The following CCDC112 variants were observed in gnomAD, a reference collection of about 807,000 sequenced individuals.
CCDC112 encodes coiled-coil domain containing 112.
CCDC112 carries 40 observed loss-of-function variants against 66.3 expected under a neutral mutation model. That is an observed-to-expected ratio of 0.60 (90% CI 0.47 to 0.79). The LOEUF (loss-of-function observed/expected upper bound fraction) is 0.79, where lower values mean the gene tolerates loss of function less well. Ranked by LOEUF, CCDC112 falls within the 30% of genes least tolerant of loss-of-function variation. The pLI is 0.00. For missense variants in CCDC112, 659 were observed against 603.8 expected, an observed-to-expected ratio of 1.09 and a Z score of -0.96; for synonymous variants, 214 against 197.2, an observed-to-expected ratio of 1.09 and a Z score of -0.71.
At position 115,283,053 on chromosome 5, in the gene CCDC112, A is replaced by G. The variant is rs184186041; in HGVS notation, c.239+1734T>C. Reference sequence around the variant, plus strand: ...CATTACCCTATCTAGAAAGAAACATAAAACAGAACCTCTAACCTAGAATCT... The same window carrying G: ...CATTACCCTATCTAGAAAGAAACATGAAACAGAACCTCTAACCTAGAATCT... On this transcript the variant is annotated intron_variant, in intron 2 of 9. Coordinates refer to ENST00000379611, the MANE Select transcript of CCDC112 (RefSeq NM_001040440.3). Among the ~76,000 whole-genome samples the G allele has an allele frequency of 1.3e-4, 20 of 152,266 alleles. No homozygotes were observed. The East Asian group carries it at 3.9e-3, about 29-fold the overall frequency.
chr5:115,268,903 G>C lies in CCDC112; in HGVS notation c.1526C>G (p.Pro509Arg). 1 of 1,598,340 alleles carries C rather than the reference G, an allele frequency of 6.3e-7. No individual in the cohort carries two copies. The highest frequency in any genetic ancestry group is 8.5e-7 in the Non-Finnish European group (1 of 1,172,182). Reference protein sequence around the residue: ...TKKIGPTGSGPLLHIPHRAIP... With the variant: ...TKKIGPTGSGRLLHIPHRAIP... ...TTACCTATGTGGGATATGTAGAAGTGGCCCAGAGCCTGTTGGTCCTATCTT... is the reference window on the plus strand; with the variant it reads ...TTACCTATGTGGGATATGTAGAAGTCGCCCAGAGCCTGTTGGTCCTATCTT... Residue 509 changes from proline (P) to arginine (R), a missense_variant, in exon 9 of 10, where the codon CCA becomes CGA. Pro to Arg is a moderately radical substitution (Grantham distance 103). Transcript: ENST00000379611.
At position 115,268,862 on chromosome 5, in the gene CCDC112, C is replaced by G; in HGVS notation, c.1547+20G>C. 2 of 1,379,594 alleles carry G rather than the reference C, an allele frequency of 1.4e-6. No homozygotes were observed. The highest frequency in any genetic ancestry group is 2.8e-5 in the South Asian group (2 of 72,420). 85.5% of individuals were successfully genotyped at this position (1,379,594 alleles called of 1,614,324 possible). ...AGCAATTAAATTACTAAATGAACAC[C>G]AATTCTAACTCTTTCTTACCTATGT... On this transcript the variant is annotated intron_variant, in intron 9 of 9. Transcript: ENST00000379611.
intron 6 of CCDC112, among the ~76,000 whole-genome samples, chr5:115,273,995 T>C (rs184108891): frequency 6.6e-6 from 1 of 152,324 alleles, no homozygotes; most frequent in East Asian, 1.9e-4. Context: ...TCTAAAACTT[T>C]AGACTAAACA....
At chr5:115,292,230 G>A (rs558566663) in intron 1 of CCDC112, among the ~76,000 whole-genome samples, 2 of 152,166 alleles carry the variant, frequency 1.3e-5, no homozygotes, top group African/African-American at 4.8e-5. Context: ...AATGTGAATT[G>A]ACCTATCTTC....
chr5:115,293,190 G>A (rs1750008744), intron 1 of CCDC112, among the ~76,000 whole-genome samples: 1 of 152,166 alleles, frequency 6.6e-6, no homozygotes, highest in South Asian at 2.1e-4. Context: ...GGGCAAGGAA[G>A]GAAATAGGTA....
At chr5:115,269,523 T>C in intron 8 of CCDC112, 180 bp downstream of exon 8, 1 of 529,766 alleles carries the variant, frequency 1.9e-6, no homozygotes, top group East Asian at 3.3e-5. Context: ...ATGACAGAAT[T>C]CAAATAATGG....
chr5:115,269,642 G>T, intron 8 of CCDC112, 61 bp downstream of exon 8: 2 of 1,127,748 alleles, frequency 1.8e-6, no homozygotes, highest in South Asian at 1.4e-5. Context: ...TTTGATGTCA[G>T]TATCCTTACA....
At position 115,269,703 on chromosome 5, in the gene CCDC112, CT is replaced by C; in HGVS notation, c.1427del (p.Lys476ArgfsTer27). 6.3e-7 allele frequency: 1 copy of C among 1,582,064 alleles called. No individual in the cohort carries two copies. Among genetic ancestry groups the C allele is most frequent in the Non-Finnish European group, 8.6e-7 (1 of 1,161,524 alleles). On this transcript the variant is annotated frameshift_variant and splice_region_variant, in exon 8 of 10. Coordinates refer to ENST00000379611, the MANE Select transcript of CCDC112 (RefSeq NM_001040440.3). LOFTEE classifies it high-confidence loss of function. The part of the protein sequence containing the change: ...KQRRLAKLKE[K>X]VENNVSRDPS... ...TGAAAATAATCTCGGTGCAGAGTACCTTTTCTTTTAATTTTGCCAGTCTTCT... is the reference window on the plus strand; with the variant it reads ...TGAAAATAATCTCGGTGCAGAGTACCTTTCTTTTAATTTTGCCAGTCTTCT...
chr5:115,281,754 G>C (rs1025711244), intron 2 of CCDC112, among the ~76,000 whole-genome samples: 1 of 152,034 alleles, frequency 6.6e-6, no homozygotes, highest in African/African-American at 2.4e-5. Context: ...GAGACAAGTC[G>C]ACAAAAATGA....
At chr5:115,276,107 T>C in intron 4 of CCDC112, 38 bp from the exon 5 acceptor site, 2 of 1,408,164 alleles carry the variant, frequency 1.4e-6, no homozygotes, top group Non-Finnish European at 2.0e-6. Context: ...TGTGCCATTT[T>C]CCCATATGGC....
intron 3 of CCDC112, among the ~76,000 whole-genome samples, chr5:115,277,655 TGGAG>T (rs1749265581): frequency 2.6e-5 from 4 of 152,114 alleles, no homozygotes; most frequent in Admixed American, 6.5e-5. Flanking sequence ...AGGACCAGCC[TGGAG>T]TAAAATATTA....
chr5:115,279,666 A>T lies in CCDC112; in HGVS notation c.342T>A (p.Ile114=), dbSNP rs772076102. ...SMLEELENKL[I]HSRKTERAKI... is the part of the protein sequence containing the mutation. ...ACTTACTTTCTGTTTTCCTGCTGTG[A>T]ATCAATTTATTTTCCAATTCTTCTA... Residue 114 remains isoleucine (I), a synonymous_variant, in exon 3 of 10, where the codon ATT becomes ATA. Coordinates refer to ENST00000379611, the MANE Select transcript of CCDC112 (RefSeq NM_001040440.3). 5.6e-6 allele frequency: 9 copies of T among 1,611,844 alleles called. No homozygotes were observed. The South Asian group carries it at 9.9e-5, about 18-fold the overall frequency.
intron 3 of CCDC112, 115 bp from the exon 4 acceptor site, chr5:115,277,169 G>T: frequency 1.7e-6 from 1 of 597,588 alleles, no homozygotes; most frequent in Non-Finnish European, 3.0e-6. Flanking sequence ...ATTAAATAAA[G>T]AACAAAAGAT....
intron 8 of CCDC112, 51 bp from the exon 9 acceptor site, chr5:115,269,051 AC>A: frequency 8.5e-6 from 9 of 1,061,502 alleles, no homozygotes; most frequent in Non-Finnish European, 1.1e-5. Context: ...CTCAGTTTGT[AC>A]TAGTAAATAA....
intron 4 of CCDC112, among the ~76,000 whole-genome samples, chr5:115,276,732 T>G (rs938729865): frequency 6.6e-6 from 1 of 152,220 alleles, no homozygotes; most frequent in African/African-American, 2.4e-5. Context: ...TTGATAATAC[T>G]TTAACGGATA....
intron 1 of CCDC112, among the ~76,000 whole-genome samples, chr5:115,288,771 G>A (rs1328614427): frequency 6.6e-6 from 1 of 152,026 alleles, no homozygotes; most frequent in Non-Finnish European, 1.5e-5. Context: ...CTATTTTCTG[G>A]TTGTACCAAA....
intron 2 of CCDC112, among the ~76,000 whole-genome samples, chr5:115,284,227 A>G (rs113124388): frequency 3.3e-5 from 5 of 152,270 alleles, no homozygotes; most frequent in South Asian, 2.1e-4. Flanking sequence ...AAGAAGAACA[A>G]TGGCTTTCAG....
chr5:115,294,953 G>A (rs1227476397), intron 1 of CCDC112, among the ~76,000 whole-genome samples: 5 of 152,048 alleles, frequency 3.3e-5, no homozygotes, highest in African/African-American at 1.2e-4. Context: ...ATGAGGCTCT[G>A]CTTTCCCTAC....
intron 1 of CCDC112, among the ~76,000 whole-genome samples, chr5:115,292,015 C>A (rs180959695): frequency 6.6e-6 from 1 of 152,170 alleles, no homozygotes; most frequent in East Asian, 1.9e-4. Context: ...CATTGAGCTC[C>A]ATCCATATGT....
Sources: gnomAD v4.1 joint callset for allele counts (sites outside exome capture counted in the v4.1 genomes callset) on GRCh38, gnomAD v4.1.1 for gene constraint, MANE v1.5 for transcripts, NCBI Gene and HGNC (gene_info 2026-07-23, HGNC 2026-07-21) for gene names.